Variants in DGLUCY observed in about 807,000 individuals in gnomAD.
The protein encoded by DGLUCY is D-glutamate cyclase, also known as D-glutamate cyclase, mitochondrial.
In DGLUCY, 58 loss-of-function variants were observed where a neutral mutation model predicts 58.5. The ratio of observed to expected loss-of-function variants is 0.99; its 90% confidence interval spans 0.80 to 1.23. DGLUCY has a LOEUF of 1.23. Ranked by LOEUF, DGLUCY falls within the 50% of genes most tolerant of loss-of-function variation. DGLUCY has a pLI of 0.00. For synonymous variants in DGLUCY, 325 were observed against 314.1 expected (o/e 1.03, Z -0.37); for missense variants, 779 against 784.7 (o/e 0.99, Z 0.09).
At chr14:91,203,944 T>C (rs2050725390) in intron 11 of DGLUCY, among the ~76,000 whole-genome samples, 1 of 152,236 alleles carries the variant, frequency 6.6e-6, no homozygotes, top group South Asian at 2.1e-4. Flanking sequence ...CCCAAAGTGC[T>C]GGGATTACAG....
intron 13 of DGLUCY, chr14:91,220,837 G>A (rs888355314): frequency 2.6e-6 from 1 of 380,874 alleles, no homozygotes; most frequent in African/African-American, 2.1e-5. Context: ...CCCATTTCAT[G>A]CCAGCCCTTT....
intron 1 of DGLUCY, among the ~76,000 whole-genome samples, chr14:91,118,632 T>C (rs534072480): frequency 6.6e-6 from 1 of 152,198 alleles, no homozygotes; most frequent in Non-Finnish European, 1.5e-5. Context: ...TCTGTTTTAA[T>C]GTTAATGCTG....
intron 1 of DGLUCY, among the ~76,000 whole-genome samples, chr14:91,146,514 CAT>C (rs762075873): frequency 1.3e-5 from 2 of 152,184 alleles, no homozygotes; most frequent in Non-Finnish European, 2.9e-5. Context: ...GAAAACATCT[CAT>C]ATGGGGCTCC....
intron 8 of DGLUCY, among the ~76,000 whole-genome samples, chr14:91,185,096 G>T (rs1206087465): frequency 6.6e-6 from 1 of 151,600 alleles, no homozygotes; most frequent in East Asian, 1.9e-4. Flanking sequence ...GCTTCTCAAC[G>T]TAGCTGGGAT....
chr14:91,075,895 C>T (rs756612051), intron 1 of DGLUCY, among the ~76,000 whole-genome samples: 5 of 152,154 alleles, frequency 3.3e-5, no homozygotes, highest in Admixed American at 6.6e-5. Context: ...GGCAGATCAC[C>T]TGAGGTTGGG....
intron 1 of DGLUCY, among the ~76,000 whole-genome samples, chr14:91,116,672 G>A (rs1258497207): frequency 1.3e-5 from 2 of 152,238 alleles, no homozygotes; most frequent in African/African-American, 2.4e-5. Context: ...TAGGCCGGGC[G>A]TGGTGGCTCA....
intron 1 of DGLUCY, among the ~76,000 whole-genome samples, chr14:91,069,730 G>T (rs982093380): frequency 1.3e-5 from 2 of 151,432 alleles, no homozygotes; most frequent in African/African-American, 4.9e-5. Flanking sequence ...CAAGTAGCTG[G>T]AACTACAGCT....
chr14:91,123,537 T>C (rs919628178), intron 1 of DGLUCY, among the ~76,000 whole-genome samples: 12 of 152,122 alleles, frequency 7.9e-5, no homozygotes, highest in Admixed American at 5.2e-4. Context: ...CTCTCACTCA[T>C]GGAGCCTAGT....
At chr14:91,152,789 G>C (rs2047399391) in intron 1 of DGLUCY, among the ~76,000 whole-genome samples, 1 of 152,224 alleles carries the variant, frequency 6.6e-6, no homozygotes, top group Non-Finnish European at 1.5e-5. Flanking sequence ...CAAAAATGGA[G>C]TTTTGTAACA....
chr14:91,172,733 G>A (rs372291279), intron 5 of DGLUCY, among the ~76,000 whole-genome samples: 10 of 150,944 alleles, frequency 6.6e-5, no homozygotes, highest in South Asian at 2.1e-4. Flanking sequence ...TGCAATCTCC[G>A]CCTCCTGGGT....
chr14:91,197,345 T>C (rs2050280347), intron 10 of DGLUCY, among the ~76,000 whole-genome samples: 1 of 152,246 alleles, frequency 6.6e-6, no homozygotes, highest in Non-Finnish European at 1.5e-5. Flanking sequence ...CCTCAGGTGA[T>C]CCACCTGTCT....
At chr14:91,134,462 G>C (rs2046211741) in intron 1 of DGLUCY, among the ~76,000 whole-genome samples, 1 of 149,246 alleles carries the variant, frequency 6.7e-6, no homozygotes, top group South Asian at 2.1e-4. Context: ...TTCTGGGATA[G>C]AGTCTCCATC....
intron 1 of DGLUCY, among the ~76,000 whole-genome samples, chr14:91,149,775 G>A (rs888162130): frequency 2.0e-5 from 3 of 152,212 alleles, no homozygotes; most frequent in East Asian, 1.9e-4. Flanking sequence ...TTGGACTTTT[G>A]CCACTTGGTT....
Position 91,160,256 on chromosome 14 carries a change from C to T in DGLUCY, c.-29-10C>T, listed in dbSNP as rs2047901411. On this transcript the variant is annotated splice_polypyrimidine_tract_variant and intron_variant, in intron 2 of 13. Transcript: ENST00000256324. ...CTTTCTAATTTGTTCCCTTTCCTTC[C>T]CTCACCCAGATTCTCTGCTACTTAT... is the stretch of plus-strand genomic sequence containing the variant. The T allele has an allele frequency of 1.3e-6, 2 of 1,527,498 alleles. No individual in the cohort carries two copies. The highest frequency in any genetic ancestry group is 2.2e-5 in the South Asian group (2 of 89,336). The allele number at this position is 1,527,498 out of a possible 1,614,324, so 94.6% of individuals were successfully genotyped here.
chr14:91,068,115 A>ACACACC (rs1236523220), intron 1 of DGLUCY, among the ~76,000 whole-genome samples: 27 of 140,246 alleles, frequency 1.9e-4, no homozygotes, highest in African/African-American at 5.0e-4. Context: ...ACACACACAC[A>ACACACC]CCCCTTGCAT....
chr14:91,153,768 A>G (rs993428393), intron 1 of DGLUCY, among the ~76,000 whole-genome samples: 3 of 152,234 alleles, frequency 2.0e-5, no homozygotes. Context: ...TGTGAACCCA[A>G]AAGTATCTAA....
At chr14:91,129,438 T>A (rs1222384962) in intron 1 of DGLUCY, among the ~76,000 whole-genome samples, 1 of 152,082 alleles carries the variant, frequency 6.6e-6, no homozygotes, top group African/African-American at 2.4e-5. Context: ...TTTAATGCTG[T>A]ATATAAGAAT....
intron 1 of DGLUCY, among the ~76,000 whole-genome samples, chr14:91,145,856 C>T (rs1191703379): frequency 1.3e-5 from 2 of 151,988 alleles, no homozygotes; most frequent in Non-Finnish European, 2.9e-5. Flanking sequence ...TACACTCATC[C>T]CCATTTCCTT....
chr14:91,156,643 G>GAT (rs1297260497), intron 1 of DGLUCY, among the ~76,000 whole-genome samples: 2 of 152,180 alleles, frequency 1.3e-5, no homozygotes, highest in Non-Finnish European at 2.9e-5. Context: ...GCTCCTCTCT[G>GAT]ATATATTTGA....
Sources: allele counts gnomAD v4.1 joint callset (sites outside exome capture counted in the v4.1 genomes callset), GRCh38; gene constraint gnomAD v4.1.1; transcripts MANE v1.5; gene names NCBI Gene and HGNC (gene_info 2026-07-23, HGNC 2026-07-21).